The following RTN3 variants were observed in gnomAD, a reference collection of about 807,000 sequenced individuals.
The protein encoded by RTN3 is reticulon-3.
RTN3 carries 49 observed loss-of-function variants against 77.8 expected under a neutral mutation model. That is an observed-to-expected ratio of 0.63 (90% CI 0.50 to 0.80). The LOEUF is 0.80. Among genes scored for constraint, RTN3 ranks in the 30% least tolerant of loss-of-function variants. The pLI, the probability that RTN3 is intolerant of heterozygous loss-of-function variation, is 0.00. For missense variants in RTN3, 1,236 were observed against 1,211.9 expected (o/e 1.02, Z -0.29); for synonymous variants, 464 against 446.9 (o/e 1.04, Z -0.48).
At chr11:63,692,380 C>A (rs1941707602) in intron 1 of RTN3, among the ~76,000 whole-genome samples, 1 of 152,052 alleles carries the variant, frequency 6.6e-6, no homozygotes, top group Non-Finnish European at 1.5e-5. Flanking sequence ...TTGCTGTTCA[C>A]TCTGCCTAGA....
intron 8 of RTN3, among the ~76,000 whole-genome samples, 189 bp downstream of exon 8, chr11:63,756,359 T>A (rs1420907006): frequency 2.0e-5 from 3 of 152,208 alleles, no homozygotes; most frequent in Non-Finnish European, 4.4e-5. Flanking sequence ...ATCCTTTATA[T>A]CTTTTTCTGG....
intron 7 of RTN3, among the ~76,000 whole-genome samples, chr11:63,754,965 G>A (rs190898245): frequency 6.7e-6 from 1 of 150,050 alleles, no homozygotes; most frequent in Non-Finnish European, 1.5e-5. Context: ...AATAAAAGCC[G>A]GGTGTCTAAA....
At position 63,759,779 on chromosome 11, in the gene RTN3, C is replaced by T. The variant is rs561923076; in HGVS notation, c.*1578C>T. The T allele has an allele frequency of 3.3e-5, 5 of 150,196 alleles. No individual in the cohort carries two copies. Among genetic ancestry groups the T allele is most frequent in the South Asian group, 2.1e-4 (1 of 4,744 alleles). 9.3% of individuals were successfully genotyped at this position (150,196 alleles called of 1,614,324 possible). On this transcript the variant is annotated 3_prime_UTR_variant, in exon 9 of 9. Transcript: ENST00000377819. The stretch of plus-strand genomic sequence containing the variant: ...AAAATTACTAATGAAACTGTGTGTA[C>T]GTGTCTGTGCGTGCAACATAAAAAT...
At chr11:63,717,650 TA>T (rs999815054) in intron 2 of RTN3, among the ~76,000 whole-genome samples, 3 of 151,952 alleles carry the variant, frequency 2.0e-5, no homozygotes, top group African/African-American at 7.2e-5. Flanking sequence ...CCAGCCAAGT[TA>T]ACTCTGTCTT....
intron 1 of RTN3, among the ~76,000 whole-genome samples, chr11:63,689,403 T>A (rs1411045466): frequency 6.6e-6 from 1 of 152,216 alleles, no homozygotes; most frequent in Non-Finnish European, 1.5e-5. Context: ...GAAGTGTGTG[T>A]GTTAAATAAG....
intron 1 of RTN3, among the ~76,000 whole-genome samples, chr11:63,692,570 A>G (rs1941718468): frequency 6.6e-6 from 1 of 152,088 alleles, no homozygotes; most frequent in Non-Finnish European, 1.5e-5. Flanking sequence ...CATCCTGGCT[A>G]ACATGGTGAA....
chr11:63,736,402 T>C (rs998176548), intron 3 of RTN3, among the ~76,000 whole-genome samples: 5 of 152,016 alleles, frequency 3.3e-5, no homozygotes, highest in African/African-American at 9.7e-5. Context: ...AAAAATAATA[T>C]AAAGGCCAGG....
Position 63,719,233 on chromosome 11 carries a change from C to T in RTN3, c.731C>T (p.Pro244Leu). Reference protein sequence around the residue: ...SGDDVIEKDSPESPFEVIIDK... With the variant: ...SGDDVIEKDSLESPFEVIIDK... The stretch of plus-strand genomic sequence containing the variant: ...GATGATGTTATTGAAAAGGATTCCC[C>T]TGAATCACCATTTGAAGTAATTATT... Residue 244 changes from proline (P) to leucine (L), a missense_variant, in exon 3 of 9, where the codon CCT (proline) becomes CTT (leucine). Physicochemically the swap from Pro to Leu is moderately conservative, Grantham distance 98. Transcript: ENST00000377819. The T allele has an allele frequency of 6.2e-7, 1 of 1,614,088 alleles. No homozygotes were observed. Among genetic ancestry groups the T allele is most frequent in the African/African-American group, 1.3e-5 (1 of 75,054 alleles).
intron 1 of RTN3, among the ~76,000 whole-genome samples, chr11:63,686,771 CAGTG>C (rs1195731006): frequency 2.0e-5 from 3 of 152,070 alleles, no homozygotes; most frequent in Admixed American, 2.0e-4. Flanking sequence ...GCAGAGGTTG[CAGTG>C]AGCTGAGATT....
chr11:63,703,727 A>G (rs2134723161), intron 1 of RTN3, among the ~76,000 whole-genome samples: 1 of 151,414 alleles, frequency 6.6e-6, no homozygotes, highest in East Asian at 2.0e-4. Context: ...TATTTTTCAT[A>G]GAGACGGGGT....
intron 3 of RTN3, among the ~76,000 whole-genome samples, chr11:63,722,495 C>T (rs2011892843): frequency 6.6e-6 from 1 of 152,130 alleles, no homozygotes. Flanking sequence ...AGTAAATATG[C>T]AGTCAGATTT....
At chr11:63,731,825 G>A (rs11826418) in intron 3 of RTN3, among the ~76,000 whole-genome samples, 1 of 151,920 alleles carries the variant, frequency 6.6e-6, no homozygotes, top group Admixed American at 6.6e-5. Context: ...GCTAATTTTT[G>A]TACTTTTAAT....
At chr11:63,724,579 C>G (rs1406039260) in intron 3 of RTN3, among the ~76,000 whole-genome samples, 1 of 148,138 alleles carries the variant, frequency 6.8e-6, no homozygotes, top group East Asian at 2.0e-4. Flanking sequence ...GCAACCTCCA[C>G]CTCCCGGGTT....
chr11:63,712,359 A>G (rs576942724), intron 2 of RTN3, among the ~76,000 whole-genome samples: 2 of 152,270 alleles, frequency 1.3e-5, no homozygotes, highest in South Asian at 4.1e-4. Context: ...GTGAACATGT[A>G]TTAACTCATT....
chr11:63,714,017 A>G (rs1378487057), intron 2 of RTN3: 2 of 518,698 alleles, frequency 3.9e-6, no homozygotes, highest in Admixed American at 1.9e-5. Context: ...ATACTGACCA[A>G]TTGGAAGAGT....
At position 63,718,948 on chromosome 11, in the gene RTN3, CAGG is replaced by C. The variant is rs1565319966; in HGVS notation, c.449_451del (p.Gly150del). On this transcript the variant is annotated inframe_deletion, in exon 3 of 9. Coordinates refer to ENST00000377819, the MANE Select transcript of RTN3 (RefSeq NM_001265589.2). ...TCAGACTCTTCAGTTTCTCTTGCAGCAGGAGTTCATTGTGACCGTCCTTCTATT... is the reference window on the plus strand; with the variant it reads ...TCAGACTCTTCAGTTTCTCTTGCAGCAGTTCATTGTGACCGTCCTTCTATT... 3 of 1,614,062 alleles carry C rather than the reference CAGG, an allele frequency of 1.9e-6. No individual in the cohort carries two copies. Among genetic ancestry groups the C allele is most frequent in the Admixed American group, 3.3e-5 (2 of 60,000 alleles).
At chr11:63,739,247 G>T (rs1275970373) in intron 3 of RTN3, among the ~76,000 whole-genome samples, 1 of 151,774 alleles carries the variant, frequency 6.6e-6, no homozygotes, top group Non-Finnish European at 1.5e-5. Flanking sequence ...AAAAAAGTAA[G>T]GTCCTTTAAA....
At position 63,719,167 on chromosome 11, in the gene RTN3, G is replaced by A; in HGVS notation, c.665G>A (p.Gly222Asp). The A allele has an allele frequency of 6.2e-7, 1 of 1,614,160 alleles. No homozygotes were observed. The highest frequency in any genetic ancestry group is 8.5e-7 in the Non-Finnish European group (1 of 1,180,014). Residue 222 changes from glycine (G) to aspartate (D), a missense_variant, in exon 3 of 9, where the codon GGC (glycine) becomes GAC (aspartate). By Grantham distance (94) the Gly-to-Asp change is moderately conservative. This residue lies in a region of RTN3 where 1,056 missense variants were observed against 990.4 expected (regional missense o/e 1.07). Transcript: ENST00000377819. The stretch of plus-strand genomic sequence containing the variant: ...CCTACTGAGTACTCTAAGGTAGAAG[G>A]CATTTATACATATTCTTTGTCTCCA... ...KPPTEYSKVE[G>D]IYTYSLSPSK... is the part of the protein sequence containing the mutation.
rs929986764 is a variant in RTN3 at position 63,758,723 on chromosome 11, TTTTC to T, written c.*526_*529del. The T allele has an allele frequency of 4.6e-6, 1 of 217,106 alleles. No homozygotes were observed. Among genetic ancestry groups the T allele is most frequent in the African/African-American group, 2.3e-5 (1 of 44,078 alleles). The allele number at this position is 217,106 out of a possible 1,614,324, so 13.4% of individuals were successfully genotyped here. On this transcript the variant is annotated 3_prime_UTR_variant, in exon 9 of 9. Coordinates refer to ENST00000377819, the MANE Select transcript of RTN3 (RefSeq NM_001265589.2). ...TGTGAGCAGCTACCCCTGATACTCC[TTTTC>T]TTTAATGATTTAACTATCAACTTGA...
Sources: gnomAD v4.1 joint callset for allele counts (sites outside exome capture counted in the v4.1 genomes callset) on GRCh38, gnomAD v4.1.1 for gene constraint, gnomAD v4.1.1 regional missense constraint, MANE v1.5 for transcripts, NCBI Gene and HGNC (gene_info 2026-07-23, HGNC 2026-07-21) for gene names.